REV3L: variants seen among roughly 807,000 people sequenced by gnomAD.
REV3L encodes the protein REV3 like, DNA directed polymerase zeta catalytic subunit.
Under a neutral mutation model 299.4 loss-of-function variants are expected in REV3L, and 69 were observed. That is an observed-to-expected ratio of 0.23 (90% confidence interval 0.19 to 0.28). The LOEUF is 0.28. Ranked by LOEUF, REV3L falls within the 10% of genes least tolerant of loss-of-function variation. The pLI is 1.00. For synonymous variants in REV3L, 1,238 were observed against 1,271.4 expected, an observed-to-expected ratio of 0.97 and a Z score of 0.56; for missense variants, 3,128 against 3,693.8, an observed-to-expected ratio of 0.85 and a Z score of 3.97.
intron 19 of REV3L, among the ~76,000 whole-genome samples, chr6:111,350,779 G>A (rs1554200237): frequency 6.6e-6 from 1 of 151,096 alleles, no homozygotes; most frequent in Non-Finnish European, 1.5e-5. Context: ...GGTAGAAATG[G>A]GGTCTCACTT....
intron 26 of REV3L, among the ~76,000 whole-genome samples, chr6:111,321,325 C>T (rs1321265443): frequency 6.6e-6 from 1 of 152,168 alleles, no homozygotes; most frequent in East Asian, 1.9e-4. Context: ...TAACTACAAT[C>T]AGAATCATGC....
rs1780680784 is a variant in REV3L at position 111,380,150 on chromosome 6, T to G, written c.1286A>C (p.Glu429Ala). Residue 429 changes from glutamate (E) to alanine (A), a missense_variant, in exon 11 of 32, where the codon GAA (glutamate) becomes GCA (alanine). Glu to Ala is a moderately radical substitution (Grantham distance 107). Coordinates refer to ENST00000368802, the MANE Select transcript of REV3L (RefSeq NM_001372078.1). Reference sequence around the variant, plus strand: ...ACATGGTGATGGCATCCTATTTCTTTCCCCCCGATATCCATCACTTTCCAA... The same window carrying G: ...ACATGGTGATGGCATCCTATTTCTTGCCCCCCGATATCCATCACTTTCCAA... ...AGLESDGYRG[E>A]RNRMPSPCRS... 1 of 1,613,596 alleles carries G rather than the reference T, an allele frequency of 6.2e-7. No individual in the cohort carries two copies. The highest frequency in any genetic ancestry group is 1.7e-5 in the Admixed American group (1 of 59,958).
At chr6:111,479,509 C>CTTTT (rs397758175) in intron 1 of REV3L, among the ~76,000 whole-genome samples, 2 of 130,082 alleles carry the variant, frequency 1.5e-5, no homozygotes, top group Non-Finnish European at 3.2e-5. Flanking sequence ...CCCCCCCCGC[C>CTTTT]TTTTTTTTTT....
At chr6:111,400,697 A>G (rs1346007640) in intron 4 of REV3L, among the ~76,000 whole-genome samples, 3 of 152,152 alleles carry the variant, frequency 2.0e-5, no homozygotes, top group Non-Finnish European at 4.4e-5. Flanking sequence ...TCACAAAGTA[A>G]AAGTTTTTAA....
Position 111,483,061 on chromosome 6 carries a change from G to A in REV3L, c.-173C>T. On this transcript the variant is annotated 5_prime_UTR_variant, in exon 1 of 32. Transcript: ENST00000368802. ...CGGGCGGGGCGGTGTAGGCGCTGCT[G>A]CCGCCGCCTCCTCAGGAGCACCCGG... is the stretch of plus-strand genomic sequence containing the variant. The A allele has an allele frequency of 1.3e-6, 1 of 763,188 alleles. No homozygotes were observed. Among genetic ancestry groups the A allele is most frequent in the Non-Finnish European group, 1.9e-6 (1 of 531,682 alleles). The allele number at this position is 763,188 out of a possible 1,614,324, so 47.3% of individuals were successfully genotyped here. A position where few individuals can be genotyped will look rare whatever the true frequency, so the allele number is the denominator to read the frequency against.
At chr6:111,441,248 T>C (rs896399648) in intron 1 of REV3L, among the ~76,000 whole-genome samples, 1 of 152,170 alleles carries the variant, frequency 6.6e-6, no homozygotes. Context: ...GTTACTGTTG[T>C]TGTTGTCGTC....
chr6:111,450,627 A>C (rs557960424), intron 1 of REV3L, among the ~76,000 whole-genome samples: 11 of 152,222 alleles, frequency 7.2e-5, no homozygotes, highest in African/African-American at 2.6e-4. Context: ...CAAAACAAAA[A>C]AGGTAGAAAA....
intron 1 of REV3L, among the ~76,000 whole-genome samples, chr6:111,446,658 G>A (rs185911454): frequency 8.6e-5 from 13 of 152,034 alleles, no homozygotes; most frequent in Non-Finnish European, 1.8e-4. Flanking sequence ...CCAAGACCAC[G>A]CCACTGCACT....
intron 7 of REV3L, 135 bp from the exon 8 acceptor site, chr6:111,388,220 G>C (rs1036008584): frequency 4.9e-6 from 3 of 616,302 alleles, no homozygotes; most frequent in Non-Finnish European, 8.5e-6. Context: ...CCTAACTGTA[G>C]TTTTACCATA....
chr6:111,396,386 G>A (rs536880911), intron 4 of REV3L, among the ~76,000 whole-genome samples: 9 of 151,086 alleles, frequency 6.0e-5, no homozygotes, highest in African/African-American at 1.5e-4. Flanking sequence ...TGTTGGATTC[G>A]ATTTGTTAGT....
At chr6:111,340,413 A>G (rs3805826) in intron 21 of REV3L, among the ~76,000 whole-genome samples, 1 of 152,154 alleles carries the variant, frequency 6.6e-6, no homozygotes, top group East Asian at 1.9e-4. Flanking sequence ...TTATGAAAAA[A>G]TGTGTTCTAA....
chr6:111,374,249 GCTAC>G lies in REV3L; in HGVS notation c.4102_4105del (p.Val1368HisfsTer14). 1.2e-6 allele frequency: 2 copies of G among 1,613,276 alleles called. No individual in the cohort carries two copies. Among genetic ancestry groups the G allele is most frequent in the Non-Finnish European group, 1.7e-6 (2 of 1,179,388 alleles). The stretch of plus-strand genomic sequence containing the variant: ...ACCAGAAGATATCTGTGTATTCTGT[GCTAC>G]CTGAGATAAATGATTGGAAAGGTCA... On this transcript the variant is annotated frameshift_variant, in exon 13 of 32. Coordinates refer to ENST00000368802, the MANE Select transcript of REV3L (RefSeq NM_001372078.1). LOFTEE classifies it high-confidence loss of function.
Position 111,476,072 on chromosome 6 carries a change from G to C in REV3L, c.139+6678C>G, listed in dbSNP as rs1379815588. Among the ~76,000 whole-genome samples, 4 of 152,180 alleles carry C rather than the reference G, an allele frequency of 2.6e-5. No individual in the cohort carries two copies. In the East Asian group the frequency reaches 7.7e-4, roughly 29 times the overall value. ...AAGTGTTTCAGATTTTAGAATATTT[G>C]CACATACATGAGATATCCTGAGGAT... is the stretch of plus-strand genomic sequence containing the variant. On this transcript the variant is annotated intron_variant, in intron 1 of 31. Transcript: ENST00000368802.
At chr6:111,419,044 G>A (rs999452656) in intron 1 of REV3L, among the ~76,000 whole-genome samples, 2 of 152,198 alleles carry the variant, frequency 1.3e-5, no homozygotes, top group East Asian at 3.8e-4. Flanking sequence ...GGACATGGGT[G>A]TGTGGGGTTG....
At chr6:111,467,519 A>C (rs1233296807) in intron 1 of REV3L, among the ~76,000 whole-genome samples, 3 of 152,236 alleles carry the variant, frequency 2.0e-5, no homozygotes, top group African/African-American at 7.2e-5. Flanking sequence ...CTGGCCCTCC[A>C]TATCTGTGGG....
At chr6:111,425,016 C>T (rs1021100794) in intron 1 of REV3L, among the ~76,000 whole-genome samples, 1 of 152,122 alleles carries the variant, frequency 6.6e-6, no homozygotes, top group Admixed American at 6.5e-5. Context: ...CAGGAAAGAT[C>T]TAAGAAGACT....
intron 4 of REV3L, among the ~76,000 whole-genome samples, chr6:111,396,932 A>G (rs1045247713): frequency 6.6e-6 from 1 of 152,148 alleles, no homozygotes; most frequent in Admixed American, 6.5e-5. Context: ...ATAGTTGTTC[A>G]TGATAGTCTC....
chr6:111,393,779 G>A (rs1782189584), intron 4 of REV3L, among the ~76,000 whole-genome samples: 1 of 151,922 alleles, frequency 6.6e-6, no homozygotes, highest in Non-Finnish European at 1.5e-5. Flanking sequence ...CAATCCTCCT[G>A]CCTCAGCCTC....
intron 26 of REV3L, among the ~76,000 whole-genome samples, chr6:111,319,014 A>G (rs573319388): frequency 5.3e-5 from 8 of 152,296 alleles, no homozygotes; most frequent in African/African-American, 1.9e-4. Context: ...ATAACTTTTT[A>G]GGGTGATAAA....
Sources: allele counts gnomAD v4.1 joint callset (sites outside exome capture counted in the v4.1 genomes callset), GRCh38; gene constraint gnomAD v4.1.1; transcripts MANE v1.5; gene names NCBI Gene and HGNC (gene_info 2026-07-23, HGNC 2026-07-21).